Variants in COL4A4 observed in about 807,000 individuals in gnomAD.
The protein encoded by COL4A4 is collagen alpha-4(IV) chain.
COL4A4 carries 105 observed loss-of-function variants against 192.9 expected under a neutral mutation model. That is an observed-to-expected ratio of 0.54 (90% CI 0.46 to 0.64). The LOEUF (loss-of-function observed/expected upper bound fraction) is 0.64. Ranked by LOEUF, COL4A4 falls within the 30% of genes least tolerant of loss-of-function variation. COL4A4 has a pLI of 0.00. For missense variants in COL4A4, 1,967 were observed against 2,169.3 expected (o/e 0.91, Z 1.85); for synonymous variants, 762 against 769.9 (o/e 0.99, Z 0.17).
rs1449682081 is a variant in COL4A4, at chr2:227,041,698, GA to G, written c.3505+449del. Among the ~76,000 whole-genome samples the G allele has an allele frequency of 2.3e-3, 310 of 136,458 alleles. 7 individuals are homozygous for G. Among genetic ancestry groups the G allele is most frequent in the African/African-American group, 8.6e-3 (290 of 33,578 alleles). 89.5% of individuals were successfully genotyped at this position (136,458 alleles called of 152,430 possible). On this transcript the variant is annotated intron_variant, in intron 37 of 47. Coordinates refer to ENST00000396625, the MANE Select transcript of COL4A4 (RefSeq NM_000092.5). The stretch of plus-strand genomic sequence containing the variant: ...AAAAAGAAAGAAAGACAGAGAGAGA[GA>G]GAGAGAAGGAAGGAAGGGAGGAGGA...
At chr2:227,138,072 G>T (rs1297747540) in intron 4 of COL4A4, among the ~76,000 whole-genome samples, 1 of 151,804 alleles carries the variant, frequency 6.6e-6, no homozygotes, top group Non-Finnish European at 1.5e-5. Context: ...AAGGAGGGAG[G>T]ATCACTTGAA....
At chr2:227,159,053 C>A (rs1452722011) in intron 1 of COL4A4, among the ~76,000 whole-genome samples, 1 of 152,114 alleles carries the variant, frequency 6.6e-6, no homozygotes, top group African/African-American at 2.4e-5. Flanking sequence ...AAACTGGAAA[C>A]AATCCAAATT....
At chr2:227,113,971 C>T (rs1354517537) in intron 8 of COL4A4, among the ~76,000 whole-genome samples, 1 of 152,190 alleles carries the variant, frequency 6.6e-6, no homozygotes, top group Non-Finnish European at 1.5e-5. Flanking sequence ...TCCATGGCTT[C>T]TCATCTGAGA....
chr2:227,097,937 T>C (rs1447018730), intron 19 of COL4A4, among the ~76,000 whole-genome samples: 4 of 152,194 alleles, frequency 2.6e-5, no homozygotes, highest in Non-Finnish European at 5.9e-5. Context: ...TAATCAGTTC[T>C]CCTGGGTTCA....
the COL4A4 span, among the ~76,000 whole-genome samples, chr2:226,984,488 C>G: frequency 1.3e-5 from 2 of 152,128 alleles, no homozygotes; most frequent in Admixed American, 1.3e-4. Context: ...CTCATGTAAA[C>G]CTAATTACCT....
intron 4 of COL4A4, among the ~76,000 whole-genome samples, chr2:227,129,286 C>A (rs1210157633): frequency 6.6e-6 from 1 of 152,110 alleles, no homozygotes; most frequent in Non-Finnish European, 1.5e-5. Flanking sequence ...ATTTCACTCC[C>A]CTCCAAACTA....
At chr2:227,045,698 G>T (rs1253212834) in intron 35 of COL4A4, among the ~76,000 whole-genome samples, 2 of 148,236 alleles carry the variant, frequency 1.3e-5, no homozygotes, top group East Asian at 3.9e-4. Flanking sequence ...GAACCCAGAA[G>T]GTGGAGGTTG....
intron 42 of COL4A4, 151 bp from the exon 43 acceptor site, chr2:227,025,961 C>T: frequency 1.5e-6 from 1 of 671,982 alleles, no homozygotes; most frequent in South Asian, 1.8e-5. Flanking sequence ...AGAATGGCAG[C>T]ACCTTATTTA....
At chr2:226,986,505 C>T in the COL4A4 span, among the ~76,000 whole-genome samples, 1 of 151,942 alleles carries the variant, frequency 6.6e-6, no homozygotes, top group South Asian at 2.1e-4. Flanking sequence ...ATAACCCCAT[C>T]AAAAAGCAGG....
At chr2:227,028,039 G>A in intron 41 of COL4A4, 30 bp from the exon 42 acceptor site, 1 of 1,410,592 alleles carries the variant, frequency 7.1e-7, no homozygotes, top group Non-Finnish European at 9.9e-7. Flanking sequence ...TAAAAATGAG[G>A]GCACTGGAAT....
chr2:227,160,826 CAGAAG>C (rs1446722962), intron 1 of COL4A4, among the ~76,000 whole-genome samples: 3 of 152,130 alleles, frequency 2.0e-5, no homozygotes, highest in Admixed American at 6.5e-5. Flanking sequence ...CTTAGAGAAG[CAGAAG>C]AGGAGTCCAG....
At chr2:226,979,480 A>T in the COL4A4 span, among the ~76,000 whole-genome samples, 14 of 151,824 alleles carry the variant, frequency 9.2e-5, no homozygotes, top group Non-Finnish European at 1.9e-4. Context: ...ACTTCCCGAG[A>T]CCCCACCCCA....
At chr2:227,133,869 T>G (rs981259762) in intron 4 of COL4A4, among the ~76,000 whole-genome samples, 1 of 149,282 alleles carries the variant, frequency 6.7e-6, no homozygotes, top group Non-Finnish European at 1.5e-5. Context: ...CCAGCCTGAA[T>G]GAGAGAGACT....
In COL4A4 at chr2:227,055,803, G is replaced by C. The variant is rs143532392; in HGVS notation, c.2716+142C>G. On this transcript the variant is annotated intron_variant, in intron 30 of 47. Coordinates refer to ENST00000396625, the MANE Select transcript of COL4A4 (RefSeq NM_000092.5). Reference sequence around the variant, plus strand: ...CTGGAAATAACGATACAGAGGACAAGAGCAAGGGAGGCATCATTAAGGGAA... The same window carrying C: ...CTGGAAATAACGATACAGAGGACAACAGCAAGGGAGGCATCATTAAGGGAA... 2,122 of 742,898 alleles carry C rather than the reference G, an allele frequency of 2.9e-3. 30 individuals carry two copies. In the African/African-American group the frequency reaches 0.031, roughly 11 times the overall value. The allele number at this position is 742,898 out of a possible 1,614,324, so 46.0% of individuals were successfully genotyped here.
intron 16 of COL4A4, 40 bp from the exon 17 acceptor site, chr2:227,101,597 ACTGGGTG>A: frequency 6.5e-7 from 1 of 1,530,624 alleles, no homozygotes; most frequent in Non-Finnish European, 9.0e-7. Context: ...AAAAAAAGTG[ACTGGGTG>A]ACAAATTATC....
At chr2:227,079,819 G>T (rs1221442216) in intron 24 of COL4A4, among the ~76,000 whole-genome samples, 1 of 152,192 alleles carries the variant, frequency 6.6e-6, no homozygotes, top group Non-Finnish European at 1.5e-5. Flanking sequence ...GATATTGTAA[G>T]CATTCAGAAA....
At chr2:226,995,461 GGTTTCATCTCTCACC>G in the COL4A4 span, 1 of 1,613,060 alleles carries the variant, frequency 6.2e-7, no homozygotes, top group East Asian at 2.2e-5. Flanking sequence ...CCACCCTACG[GGTTTCATCTCTCACC>G]AGAAGAAATG....
In COL4A4 at chr2:227,060,121, A is replaced by AAAAAC. The variant is rs765214271; in HGVS notation, c.2164+10_2164+14dup. The AAAAAC allele has an allele frequency of 4.2e-6, 6 of 1,415,136 alleles. No individual in the cohort carries two copies. The highest frequency in any genetic ancestry group is 1.3e-5 in the South Asian group (1 of 79,458). 87.7% of individuals were successfully genotyped at this position (1,415,136 alleles called of 1,614,324 possible). The stretch of plus-strand genomic sequence containing the variant: ...AAGCAGAAAAAAAAAAAAAAAAAAA[A>AAAAAC]AAAACCTCACTGACCAGGTGGACCT... On this transcript the variant is annotated intron_variant, in intron 27 of 47. Coordinates refer to ENST00000396625, the MANE Select transcript of COL4A4 (RefSeq NM_000092.5).
At chr2:227,061,693 G>A (rs1977096842) in intron 26 of COL4A4, among the ~76,000 whole-genome samples, 2 of 152,162 alleles carry the variant, frequency 1.3e-5, no homozygotes, top group African/African-American at 4.8e-5. Flanking sequence ...TGAACGGGTA[G>A]GGAACTCTAA....
Sources: gnomAD v4.1 joint callset for allele counts (sites outside exome capture counted in the v4.1 genomes callset) on GRCh38, gnomAD v4.1.1 for gene constraint, MANE v1.5 for transcripts, NCBI Gene and HGNC (gene_info 2026-07-23, HGNC 2026-07-21) for gene names.